Variants in DNAJC2 observed in about 807,000 individuals in gnomAD.
DNAJC2 encodes dnaJ homolog subfamily C member 2.
Under a neutral mutation model 94.0 loss-of-function variants are expected in DNAJC2, and 32 were observed. The observed-to-expected ratio is 0.34, with a 90% CI of 0.26 to 0.46. The LOEUF is 0.46. Ranked by LOEUF, DNAJC2 falls within the 20% of genes least tolerant of loss-of-function variation. The pLI is 1.00. For synonymous variants in DNAJC2, 210 were observed against 229.7 expected (o/e 0.91, Z 0.77); for missense variants, 550 against 719.5 (o/e 0.76, Z 2.69).
chr7:103,327,283 C>T (rs201977771), intron 4 of DNAJC2: 10 of 1,006,510 alleles, frequency 9.9e-6, no homozygotes, highest in South Asian at 1.4e-5. Flanking sequence ...GCATCTGAAA[C>T]GAAAAAAAAA....
chr7:103,325,816 T>C (rs1480001986), intron 5 of DNAJC2, among the ~76,000 whole-genome samples: 16 of 152,240 alleles, frequency 1.1e-4, no homozygotes, highest in Admixed American at 1.0e-3. Flanking sequence ...AATAATGTTT[T>C]GTCAAAGAAG....
intron 9 of DNAJC2, among the ~76,000 whole-genome samples, 158 bp downstream of exon 9, chr7:103,322,353 A>C (rs896522612): frequency 6.6e-6 from 1 of 152,166 alleles, no homozygotes; most frequent in African/African-American, 2.4e-5. Flanking sequence ...GGTAAGGAAG[A>C]TCTCTCAATT....
intron 12 of DNAJC2, among the ~76,000 whole-genome samples, chr7:103,317,649 T>G (rs1221270591): frequency 1.3e-5 from 2 of 152,094 alleles, no homozygotes; most frequent in African/African-American, 4.8e-5. Context: ...GCAGGTTCTT[T>G]TTCTTTCTTT....
At chr7:103,330,375 C>T (rs939031457) in intron 3 of DNAJC2, among the ~76,000 whole-genome samples, 1 of 152,060 alleles carries the variant, frequency 6.6e-6, no homozygotes. Flanking sequence ...GTAGTCTTAA[C>T]CTCCCCGGCT....
chr7:103,337,874 G>T, intron 2 of DNAJC2, 63 bp from the exon 3 acceptor site: 1 of 1,197,542 alleles, frequency 8.4e-7, no homozygotes, highest in Non-Finnish European at 1.2e-6. Flanking sequence ...CATCCCTTGT[G>T]TTCTGGTACC....
chr7:103,312,940 C>G lies in DNAJC2; in HGVS notation c.1791+7G>C. ...TACAACAATCTATAAACGCTTAAGT[C>G]TGCAACCTTGTATCGTTTCATGCAG... On this transcript the variant is annotated splice_region_variant and intron_variant, in intron 16 of 16. Transcript: ENST00000379263. 1 of 1,605,432 alleles carries G rather than the reference C, an allele frequency of 6.2e-7. No homozygotes were observed. Among genetic ancestry groups the G allele is most frequent in the Non-Finnish European group, 8.5e-7 (1 of 1,177,914 alleles).
intron 13 of DNAJC2, 90 bp from the exon 14 acceptor site, chr7:103,316,178 GT>G (rs979895587): frequency 4.5e-5 from 34 of 748,124 alleles, no homozygotes; most frequent in Non-Finnish European, 6.2e-5. Flanking sequence ...CTGCAGAAAG[GT>G]TATAGTATGT....
chr7:103,316,571 C>A, intron 13 of DNAJC2: 2 of 423,154 alleles, frequency 4.7e-6, no homozygotes, highest in African/African-American at 4.1e-5. Flanking sequence ...CAGAGTAAGC[C>A]AACATAAATC....
At chr7:103,342,733 C>T (rs1419665111) in intron 1 of DNAJC2, among the ~76,000 whole-genome samples, 1 of 151,560 alleles carries the variant, frequency 6.6e-6, no homozygotes, top group Non-Finnish European at 1.5e-5. Context: ...CTCAGCCTCC[C>T]GAGTAGCTGG....
chr7:103,339,978 A>G (rs559324080), intron 2 of DNAJC2, among the ~76,000 whole-genome samples: 1 of 152,194 alleles, frequency 6.6e-6, no homozygotes. Flanking sequence ...AGCTGCGATT[A>G]CAGGCATGTG....
At chr7:103,344,223 T>C (rs1463549987) in intron 1 of DNAJC2, 3 of 335,560 alleles carry the variant, frequency 8.9e-6, no homozygotes, top group Non-Finnish European at 1.6e-5. Flanking sequence ...TCGCTGCGCG[T>C]AGTCTTTCCA....
In DNAJC2 at chr7:103,312,958, T is replaced by C; in HGVS notation, c.1780A>G (p.Lys594Glu). 1 of 1,612,900 alleles carries C rather than the reference T, an allele frequency of 6.2e-7. No individual in the cohort carries two copies. Among genetic ancestry groups the C allele is most frequent in the Non-Finnish European group, 8.5e-7 (1 of 1,179,650 alleles). ...VPGRTKKDCM[K>E]RYKELVEMVK... The stretch of plus-strand genomic sequence containing the variant: ...CTTAAGTCTGCAACCTTGTATCGTT[T>C]CATGCAGTCCTTCTTTGTCCTGCCA... Residue 594 changes from lysine to glutamate, a missense_variant, in exon 16 of 17, where the codon AAA becomes GAA. By Grantham distance (56) the Lys-to-Glu change is moderately conservative. Around this residue, in one of 2 missense-constraint regions of DNAJC2, gnomAD observed 271 missense variants for 302.6 expected, o/e 0.90. Coordinates refer to ENST00000379263, the MANE Select transcript of DNAJC2 (RefSeq NM_014377.3).
At chr7:103,319,494 CAT>C (rs1586072986) in intron 12 of DNAJC2, 113 bp downstream of exon 12, 11 of 1,033,936 alleles carry the variant, frequency 1.1e-5, no homozygotes, top group South Asian at 8.8e-5. Flanking sequence ...CAGTGGGAAA[CAT>C]AAAGAGAAAT....
Position 103,316,919 on chromosome 7 carries a change from T to C in DNAJC2, c.1338A>G (p.Gly446=). Reference sequence around the variant, plus strand: ...ACCAATTTTTACTTCCATTTCCACCTCCACCAGTTGATTTCTCTGTGTTCT... The same window carrying C: ...ACCAATTTTTACTTCCATTTCCACCCCCACCAGTTGATTTCTCTGTGTTCT... ...ASKNTEKSTG[G]GGNGSKNWSE... is the part of the protein sequence containing the mutation. The change falls in exon 13 of 17, where the codon GGA becomes GGG. Residue 446 remains glycine (G), a synonymous_variant. Coordinates refer to ENST00000379263, the MANE Select transcript of DNAJC2 (RefSeq NM_014377.3). 6.2e-7 allele frequency: 1 copy of C among 1,613,992 alleles called. No individual in the cohort carries two copies. The highest frequency in any genetic ancestry group is 8.5e-7 in the Non-Finnish European group (1 of 1,179,896).
chr7:103,321,863 A>G (rs558007107), intron 10 of DNAJC2, 69 bp downstream of exon 10: 2 of 1,530,626 alleles, frequency 1.3e-6, no homozygotes, highest in African/African-American at 1.4e-5. Context: ...CAAACAAACA[A>G]AAAGAAGTAT....
rs1351755401 is a variant in DNAJC2 at position 103,327,670 on chromosome 7, G to C, written c.416C>G (p.Thr139Ser). 3 of 1,601,684 alleles carry C rather than the reference G, an allele frequency of 1.9e-6. No homozygotes were observed. The African/African-American group carries it at 4.0e-5, about 21-fold the overall frequency. Residue 139 changes from threonine (T) to serine (S), a missense_variant, in exon 4 of 17, where the codon ACT (threonine) becomes AGT (serine). Transcript: ENST00000379263. Reference protein sequence around the residue: ...PIKEGDNDYFTCITKAYEMLS... With the variant: ...PIKEGDNDYFSCITKAYEMLS... ...CATTTTCTTACCTTTAGTTATGCAA[G>C]TGAAGTAGTCATTATCTCCTTCTTT...
At chr7:103,344,050 C>G (rs1184759029) in intron 1 of DNAJC2, among the ~76,000 whole-genome samples, 1 of 152,208 alleles carries the variant, frequency 6.6e-6, no homozygotes, top group African/African-American at 2.4e-5. Flanking sequence ...TCAAAGTCTA[C>G]GCGGATCTTT....
chr7:103,325,049 G>A (rs924145011), intron 5 of DNAJC2, among the ~76,000 whole-genome samples: 1 of 152,110 alleles, frequency 6.6e-6, no homozygotes, highest in Non-Finnish European at 1.5e-5. Context: ...TTGATCACTG[G>A]TGAAAAGGAT....
Position 103,315,985 on chromosome 7 carries a change from C to CA in DNAJC2, c.1528+2dup. 1 of 1,587,882 alleles carries CA rather than the reference C, an allele frequency of 6.3e-7. No individual in the cohort carries two copies. Among genetic ancestry groups the CA allele is most frequent in the Non-Finnish European group, 8.6e-7 (1 of 1,167,154 alleles). On this transcript the variant is annotated splice_region_variant and intron_variant, in intron 14 of 16. Transcript: ENST00000379263. ...AGTAACAAATGGACTTCTCAAAACT[C>CA]ACCAAGTTTTTGGAGACTCTTTGCT...
Sources: gnomAD v4.1 joint callset for allele counts (sites outside exome capture counted in the v4.1 genomes callset) on GRCh38, gnomAD v4.1.1 for gene constraint, gnomAD v4.1.1 regional missense constraint, MANE v1.5 for transcripts, NCBI Gene and HGNC (gene_info 2026-07-23, HGNC 2026-07-21) for gene names.